The following AOPEP variants were observed in gnomAD, a reference collection of about 807,000 sequenced individuals.
The protein encoded by AOPEP is aminopeptidase O.
A neutral mutation model predicts 98.1 loss-of-function variants in AOPEP; 77 were observed. The ratio of observed to expected loss-of-function variants is 0.78; its 90% CI spans 0.65 to 0.95. The LOEUF is 0.95. Ranked by LOEUF, AOPEP falls within the 40% of genes least tolerant of loss-of-function variation. AOPEP has a pLI of 0.00. For missense variants in AOPEP, 1,024 were observed against 1,024.7 expected (o/e 1.00, Z 0.01); for synonymous variants, 346 against 365.3 (o/e 0.95, Z 0.60).
At chr9:94,920,518 G>A (rs912067347) in intron 5 of AOPEP, among the ~76,000 whole-genome samples, 3 of 152,142 alleles carry the variant, frequency 2.0e-5, no homozygotes, top group Admixed American at 6.5e-5. Flanking sequence ...GTGCTGGGTC[G>A]CTCCACCCAC....
At chr9:94,727,189 C>T (rs568080416) in intron 1 of AOPEP, among the ~76,000 whole-genome samples, 150 of 152,376 alleles carry the variant, frequency 9.8e-4, no homozygotes, top group Middle Eastern at 3.4e-3. Context: ...TCCGCCTCTT[C>T]TTCCCCCGGA....
At chr9:95,142,423 CCTGT>C in the AOPEP span, 4 of 152,496 alleles carry the variant, frequency 2.6e-5, no homozygotes, top group African/African-American at 4.8e-5. Context: ...TGCCACTGTG[CCTGT>C]CTTTTTATTT....
Position 94,989,483 on chromosome 9 carries a change from C to T in AOPEP, c.1977+10056C>T, listed in dbSNP as rs1297714068. ...ATCTCCTAACCTCGTGATTTGCCTT[C>T]CTTGGCCTCCCAAGGTGCTGGGATT... is the stretch of plus-strand genomic sequence containing the variant. On this transcript the variant is annotated intron_variant, in intron 11 of 16. Coordinates refer to ENST00000375315, the MANE Select transcript of AOPEP (RefSeq NM_001193329.3). Among the ~76,000 whole-genome samples the T allele has an allele frequency of 1.1e-4, 16 of 152,220 alleles. No homozygotes were observed. In the East Asian group the frequency reaches 2.7e-3, roughly 26 times the overall value.
Position 95,011,306 on chromosome 9 carries a change from C to A in AOPEP, c.2115+5690C>A, listed in dbSNP as rs150899520. ...CACCTCGCGGGTTCCAGCGATTCTT[C>A]TGCCTCAGCCTCCCGAGTAGCTGGG... is the stretch of plus-strand genomic sequence containing the variant. On this transcript the variant is annotated intron_variant, in intron 13 of 16. Transcript: ENST00000375315. 2.2e-3 allele frequency among the ~76,000 whole-genome samples: 330 copies of A among 150,500 alleles called. 1 individual carries two copies. Among genetic ancestry groups the A allele is most frequent in the African/African-American group, 7.2e-3 (294 of 40,764 alleles).
At chr9:94,780,932 G>A (rs151229502) in intron 3 of AOPEP, among the ~76,000 whole-genome samples, 53 of 152,324 alleles carry the variant, frequency 3.5e-4, no homozygotes, top group Middle Eastern at 3.4e-3. Flanking sequence ...AGAAATGACA[G>A]CAGCCCTTGG....
chr9:95,126,898 G>A, the AOPEP span: 5 of 346,042 alleles, frequency 1.4e-5, no homozygotes, highest in Admixed American at 8.3e-5. Context: ...CCCTCTGCCC[G>A]CATGCCGTGG....
intron 5 of AOPEP, among the ~76,000 whole-genome samples, chr9:94,833,284 CTG>C (rs1376539096): frequency 2.2e-5 from 3 of 133,502 alleles, no homozygotes; most frequent in African/African-American, 8.4e-5. Context: ...GTTTTCCACA[CTG>C]GAGTGCAATG....
intron 10 of AOPEP, among the ~76,000 whole-genome samples, chr9:94,970,163 T>C (rs1005544699): frequency 3.9e-5 from 6 of 152,308 alleles, no homozygotes; most frequent in Middle Eastern, 3.4e-3. Context: ...GGAAGTATTA[T>C]TGTTAGTCAG....
chr9:95,064,430 AC>A (rs1334252158), intron 14 of AOPEP, among the ~76,000 whole-genome samples: 1 of 152,210 alleles, frequency 6.6e-6, no homozygotes, highest in Non-Finnish European at 1.5e-5. Context: ...TAGCTGGATT[AC>A]AGGTGCCCAC....
At chr9:94,871,064 C>T (rs557922716) in intron 5 of AOPEP, among the ~76,000 whole-genome samples, 55 of 152,328 alleles carry the variant, frequency 3.6e-4, no homozygotes, top group Middle Eastern at 6.8e-3. Flanking sequence ...TGGGCGCAGG[C>T]GCGACTCCCA....
rs1848660918 is a variant in AOPEP, at chr9:94,803,718, A to G, written c.1364+2716A>G. Among the ~76,000 whole-genome samples the G allele has an allele frequency of 3.9e-5, 6 of 152,336 alleles. No homozygotes were observed. In the South Asian group the frequency reaches 1.0e-3, roughly 26 times the overall value. On this transcript the variant is annotated intron_variant, in intron 5 of 16. Coordinates refer to ENST00000375315, the MANE Select transcript of AOPEP (RefSeq NM_001193329.3). ...CTCTTCATGATTTTTGTCACCTTTTAATATAACAGGAGCCATTACTAACTG... is the reference window on the plus strand; with the variant it reads ...CTCTTCATGATTTTTGTCACCTTTTGATATAACAGGAGCCATTACTAACTG...
chr9:95,060,286 T>G (rs1331215182), intron 13 of AOPEP, among the ~76,000 whole-genome samples: 3 of 152,246 alleles, frequency 2.0e-5, no homozygotes, highest in Admixed American at 2.0e-4. Context: ...CGCATCTTAG[T>G]TCTGTGAAAT....
At chr9:94,798,793 G>A (rs1183197537) in intron 4 of AOPEP, among the ~76,000 whole-genome samples, 1 of 152,088 alleles carries the variant, frequency 6.6e-6, no homozygotes, top group Admixed American at 6.5e-5. Context: ...TTTAATCAGT[G>A]GCCTTTTTCA....
At chr9:94,819,579 A>G (rs1564191841) in intron 5 of AOPEP, among the ~76,000 whole-genome samples, 1 of 152,028 alleles carries the variant, frequency 6.6e-6, no homozygotes, top group East Asian at 1.9e-4. Flanking sequence ...ACGGGATTTT[A>G]TTGTTTAGTT....
chr9:94,900,148 G>A (rs969639440), intron 5 of AOPEP, among the ~76,000 whole-genome samples: 4 of 152,168 alleles, frequency 2.6e-5, no homozygotes, highest in South Asian at 2.1e-4. Flanking sequence ...ACTGCTGGCC[G>A]CCGCCAACTA....
At chr9:94,916,421 A>G (rs571064279) in intron 5 of AOPEP, among the ~76,000 whole-genome samples, 74 of 152,320 alleles carry the variant, frequency 4.9e-4, no homozygotes, top group African/African-American at 1.7e-3. Context: ...GATTCAAAAG[A>G]CATGTTCAGG....
At chr9:95,108,886 C>T in the AOPEP span, among the ~76,000 whole-genome samples, 1 of 151,076 alleles carries the variant, frequency 6.6e-6, no homozygotes, top group African/African-American at 2.4e-5. Flanking sequence ...TTCACTGTAT[C>T]TATAGAACAT....
chr9:94,918,394 C>T (rs539551126), intron 5 of AOPEP, among the ~76,000 whole-genome samples: 5 of 152,154 alleles, frequency 3.3e-5, no homozygotes, highest in Non-Finnish European at 7.3e-5. Context: ...GGTCTCAGGA[C>T]GTGGTTGATA....
the AOPEP span, chr9:95,110,459 T>A: frequency 1.9e-6 from 2 of 1,029,006 alleles, no homozygotes; most frequent in Non-Finnish European, 2.3e-6. Flanking sequence ...GGGGAAGAAA[T>A]AAAAAGCTTT....
Sources: gnomAD v4.1 joint callset for allele counts (sites outside exome capture counted in the v4.1 genomes callset) on GRCh38, gnomAD v4.1.1 for gene constraint, MANE v1.5 for transcripts, NCBI Gene and HGNC (gene_info 2026-07-23, HGNC 2026-07-21) for gene names.